MTMR2: variants seen among roughly 807,000 people sequenced by gnomAD.
MTMR2 encodes the protein phosphatidylinositol-3,5-bisphosphate 3-phosphatase MTMR2.
In MTMR2, 55 loss-of-function variants were observed where a neutral mutation model predicts 86.9. The ratio of observed to expected loss-of-function variants is 0.63; its 90% confidence interval spans 0.51 to 0.79. The LOEUF is 0.79. Ranked by LOEUF, MTMR2 falls within the 30% of genes least tolerant of loss-of-function variation. The pLI, the probability that MTMR2 is intolerant of heterozygous loss-of-function variation, is 0.00. For synonymous variants in MTMR2, 241 were observed against 266.8 expected (o/e 0.90, Z 0.94); for missense variants, 659 against 772.3 (o/e 0.85, Z 1.74).
intron 1 of MTMR2, among the ~76,000 whole-genome samples, chr11:95,902,332 T>C (rs1425236574): frequency 1.3e-5 from 2 of 152,198 alleles, no homozygotes; most frequent in Admixed American, 6.5e-5. Flanking sequence ...GAAGTAAGAC[T>C]GTCTGTCCTT....
chr11:95,834,026 T>G lies in MTMR2; in HGVS notation c.*1264A>C, dbSNP rs1485405898. 6.6e-6 allele frequency: 1 copy of G among 151,830 alleles called. No homozygotes were observed. Among genetic ancestry groups the G allele is most frequent in the East Asian group, 1.9e-4 (1 of 5,190 alleles). The allele number at this position is 151,830 out of a possible 1,614,324, so 9.4% of individuals were successfully genotyped here. ...GAACATTTTCATCTGGGGTGCATAT[T>G]CCTCCAATAATTTCCAAATATTTCT... On this transcript the variant is annotated 3_prime_UTR_variant, in exon 15 of 15. Coordinates refer to ENST00000346299, the MANE Select transcript of MTMR2 (RefSeq NM_016156.6).
Position 95,833,818 on chromosome 11 carries a change from C to G in MTMR2, c.*1472G>C, listed in dbSNP as rs1189085711. On this transcript the variant is annotated 3_prime_UTR_variant, in exon 15 of 15. Coordinates refer to ENST00000346299, the MANE Select transcript of MTMR2 (RefSeq NM_016156.6). ...AAAAAGCTTATATTTCACACAATTA[C>G]CAAAGAAATCATTTTGGTACCAATT... is the stretch of plus-strand genomic sequence containing the variant. 2.6e-5 allele frequency: 4 copies of G among 151,962 alleles called. No individual in the cohort carries two copies. Among genetic ancestry groups the G allele is most frequent in the Non-Finnish European group, 5.9e-5 (4 of 67,956 alleles). The allele number at this position is 151,962 out of a possible 1,614,324, so 9.4% of individuals were successfully genotyped here.
chr11:95,923,887 T>C lies in MTMR2; in HGVS notation c.68A>G (p.Asp23Gly), dbSNP rs367549833. ...GCGTCCTGGTTACCTGGACAAGGAG[T>C]CCACGCTGGGCGGCCGAGCCGCCGC... ...QPAAARPPSV[D>G]SLSSASTSHS... Residue 23 changes from aspartate to glycine, a missense_variant, in exon 1 of 15, where the codon GAC becomes GGC. Transcript: ENST00000346299. 1 of 1,555,272 alleles carries C rather than the reference T, an allele frequency of 6.4e-7. No individual in the cohort carries two copies. The highest frequency in any genetic ancestry group is 1.7e-4 in the Middle Eastern group (1 of 5,968).
At chr11:95,896,333 TGA>T (rs1470129247) in intron 1 of MTMR2, among the ~76,000 whole-genome samples, 2 of 151,852 alleles carry the variant, frequency 1.3e-5, no homozygotes, top group Non-Finnish European at 2.9e-5. Context: ...TTTTTTTTTT[TGA>T]GGCAGGGTCT....
rs925612681 is a variant in MTMR2, at chr11:95,833,780, T to TA, written c.*1509dup. On this transcript the variant is annotated 3_prime_UTR_variant, in exon 15 of 15. Transcript: ENST00000346299. ...TTTAATTACTGATTTGCTAGCCACT[T>TA]AAATGCCCTGTTAAAAAGCTTATAT... 8 of 152,090 alleles carry TA rather than the reference T, an allele frequency of 5.3e-5. No homozygotes were observed. Among genetic ancestry groups the TA allele is most frequent in the African/African-American group, 1.9e-4 (8 of 41,430 alleles). 9.4% of individuals were successfully genotyped at this position (152,090 alleles called of 1,614,324 possible).
At chr11:95,850,986 A>C (rs1863994901) in intron 7 of MTMR2, among the ~76,000 whole-genome samples, 1 of 152,050 alleles carries the variant, frequency 6.6e-6, no homozygotes, top group African/African-American at 2.4e-5. Context: ...TAATTCACTA[A>C]ATATTCAGTG....
intron 7 of MTMR2, among the ~76,000 whole-genome samples, chr11:95,852,283 A>G (rs931440812): frequency 1.3e-4 from 20 of 152,246 alleles, no homozygotes; most frequent in African/African-American, 4.6e-4. Flanking sequence ...GAAGTAGTAG[A>G]GAATTCCATG....
chr11:95,903,524 T>C (rs1455659444), intron 1 of MTMR2, among the ~76,000 whole-genome samples: 2 of 152,212 alleles, frequency 1.3e-5, no homozygotes, highest in Non-Finnish European at 2.9e-5. Flanking sequence ...TTTGAATTCA[T>C]GGCCGCTTAC....
chr11:95,871,168 G>C (rs1279646185), intron 2 of MTMR2, among the ~76,000 whole-genome samples: 1 of 152,144 alleles, frequency 6.6e-6, no homozygotes, highest in Non-Finnish European at 1.5e-5. Flanking sequence ...CCAAGTCTTT[G>C]CTATTGTGAA....
At chr11:95,923,718 A>T in intron 1 of MTMR2, 157 bp downstream of exon 1, 1 of 1,451,956 alleles carries the variant, frequency 6.9e-7, no homozygotes, top group Non-Finnish European at 9.1e-7. Context: ...TCCACGCCCC[A>T]GGGAGGGAGG....
Position 95,862,080 on chromosome 11 carries a change from G to A in MTMR2, c.380C>T (p.Ala127Val). 3.1e-6 allele frequency: 5 copies of A among 1,613,760 alleles called. No individual in the cohort carries two copies. The highest frequency in any genetic ancestry group is 4.2e-6 in the Non-Finnish European group (5 of 1,179,826). Residue 127 changes from alanine to valine, a missense_variant, in exon 5 of 15, where the codon GCT becomes GTT. By Grantham distance (64) the Ala-to-Val change is moderately conservative. This residue lies in a region of MTMR2 where 387 missense variants were observed against 526.3 expected (regional missense o/e 0.74). Coordinates refer to ENST00000346299, the MANE Select transcript of MTMR2 (RefSeq NM_016156.6). ...TACTCTATTTATCACACCAAGGGAA[G>A]CATCTAAAACAAATGGGGGATCCTA... ...MERDPPFVLD[A>V]SLGVINRVEK... is the part of the protein sequence containing the mutation.
At chr11:95,906,879 TGTTAAGA>T (rs1455891949) in intron 1 of MTMR2, among the ~76,000 whole-genome samples, 1 of 152,082 alleles carries the variant, frequency 6.6e-6, no homozygotes, top group African/African-American at 2.4e-5. Flanking sequence ...GCTAAAGCAG[TGTTAAGA>T]GTTAAGTTTA....
intron 13 of MTMR2, among the ~76,000 whole-genome samples, chr11:95,836,990 ATAT>A (rs1490994121): frequency 1.3e-5 from 2 of 152,040 alleles, no homozygotes; most frequent in East Asian, 1.9e-4. Flanking sequence ...CATGGTATGC[ATAT>A]TATTATCAAT....
At chr11:95,897,094 T>C (rs540072) in intron 1 of MTMR2, among the ~76,000 whole-genome samples, 42,756 of 151,828 alleles carry the variant, frequency 0.28, 10,833 homozygotes, top group African/African-American at 0.68. Flanking sequence ...AATTAGACTG[T>C]TGGTGATTAA....
chr11:95,865,057 G>A (rs958413291), intron 3 of MTMR2, among the ~76,000 whole-genome samples: 3 of 152,060 alleles, frequency 2.0e-5, no homozygotes, highest in African/African-American at 4.8e-5. Flanking sequence ...TCAGTTTCCA[G>A]TCCATATTAT....
At chr11:95,899,995 T>C (rs1866012274) in intron 1 of MTMR2, among the ~76,000 whole-genome samples, 1 of 152,176 alleles carries the variant, frequency 6.6e-6, no homozygotes, top group Non-Finnish European at 1.5e-5. Context: ...GCTCAGGTTA[T>C]GGAGCATCCA....
At chr11:95,874,582 T>C (rs1254755) in intron 2 of MTMR2, among the ~76,000 whole-genome samples, 42,211 of 151,976 alleles carry the variant, frequency 0.28, 7,009 homozygotes, top group Non-Finnish European at 0.38. Flanking sequence ...TTGGAGCATT[T>C]AGCCTGTTTA....
intron 2 of MTMR2, among the ~76,000 whole-genome samples, chr11:95,885,411 C>T (rs1865481251): frequency 6.6e-6 from 1 of 151,930 alleles, no homozygotes; most frequent in Non-Finnish European, 1.5e-5. Flanking sequence ...GATTCTAGAA[C>T]TGAGGGAGGA....
chr11:95,872,115 G>A (rs1864913690), intron 2 of MTMR2, among the ~76,000 whole-genome samples: 2 of 152,088 alleles, frequency 1.3e-5, no homozygotes, highest in Non-Finnish European at 2.9e-5. Flanking sequence ...CTCTTTTTTG[G>A]TTCCATATGA....
Sources: gnomAD v4.1 joint callset for allele counts (sites outside exome capture counted in the v4.1 genomes callset) on GRCh38, gnomAD v4.1.1 for gene constraint, gnomAD v4.1.1 regional missense constraint, MANE v1.5 for transcripts, NCBI Gene and HGNC (gene_info 2026-07-23, HGNC 2026-07-21) for gene names.